The following DIS3L2 variants were observed in gnomAD, a reference collection of about 807,000 sequenced individuals.
DIS3L2 encodes DIS3 like 3'-5' exoribonuclease 2, also known as DIS3-like exonuclease 2.
Under a neutral mutation model 97.5 loss-of-function variants are expected in DIS3L2, and 34 were observed. The ratio of observed to expected loss-of-function variants is 0.35; its 90% CI spans 0.27 to 0.46. DIS3L2 has a LOEUF of 0.46. DIS3L2 is among the 20% of genes least tolerant of loss of function. The pLI is 1.00. For missense variants in DIS3L2, 1,038 were observed against 1,146.0 expected (o/e 0.91, Z 1.36); for synonymous variants, 435 against 445.2 (o/e 0.98, Z 0.29).
At chr2:232,231,747 T>A (rs1692799744) in intron 10 of DIS3L2, among the ~76,000 whole-genome samples, 1 of 152,268 alleles carries the variant, frequency 6.6e-6, no homozygotes, top group Non-Finnish European at 1.5e-5. Flanking sequence ...GCAGGGCGCC[T>A]GCCCTGTATT....
chr2:232,211,272 G>A lies in DIS3L2; in HGVS notation c.1204+867G>A, dbSNP rs950050492. ...TGATCTTCCCACCTCAGCCTCTCAA[G>A]TAGCTGAGACTACAGGTGTGTGCCA... On this transcript the variant is annotated intron_variant, in intron 10 of 20. Transcript: ENST00000325385. 2.6e-5 allele frequency among the ~76,000 whole-genome samples: 4 copies of A among 151,200 alleles called. No individual in the cohort carries two copies. In the South Asian group the frequency reaches 6.3e-4, roughly 24 times the overall value.
intron 14 of DIS3L2, among the ~76,000 whole-genome samples, chr2:232,313,469 A>C (rs181099815): frequency 2.6e-5 from 4 of 152,344 alleles, no homozygotes; most frequent in Non-Finnish European, 5.9e-5. Context: ...ACATTTGAAC[A>C]AGGATTCAAA....
rs776569380 is a variant in DIS3L2, at chr2:232,194,627, C to T, written c.1125-15699C>T. Among the ~76,000 whole-genome samples, 69 of 152,226 alleles carry T rather than the reference C, an allele frequency of 4.5e-4. 1 individual carries two copies. The highest frequency in any genetic ancestry group is 1.2e-3 in the African/African-American group (50 of 41,512). ...TAAGAATTGACTTTGTCCTAATAGC[C>T]AAGTGGTAAAGGACTTGAAAGGCAG... On this transcript the variant is annotated intron_variant, in intron 9 of 20. Coordinates refer to ENST00000325385, the MANE Select transcript of DIS3L2 (RefSeq NM_152383.5).
At chr2:232,329,785 T>TCCCGGGGCGGC in intron 14 of DIS3L2, 28 bp from the exon 15 acceptor site, 1 of 967,144 alleles carries the variant, frequency 1.0e-6, no homozygotes, top group Non-Finnish European at 1.5e-6. Context: ...ACCCCAGCGG[T>TCCCGGGGCGGC]CCCTCCCATC....
intron 10 of DIS3L2, among the ~76,000 whole-genome samples, chr2:232,228,792 T>C (rs1692714835): frequency 1.3e-5 from 2 of 152,240 alleles, no homozygotes; most frequent in African/African-American, 2.4e-5. Flanking sequence ...AACACACTTA[T>C]TATTCAAGAA....
intron 6 of DIS3L2, among the ~76,000 whole-genome samples, chr2:232,088,507 A>G (rs549977401): frequency 6.9e-4 from 104 of 150,190 alleles, no homozygotes; most frequent in South Asian, 1.3e-3. Context: ...GCTTGCGGTG[A>G]GCCTAGATTG....
At chr2:232,160,785 A>G (rs1230074807) in intron 8 of DIS3L2, among the ~76,000 whole-genome samples, 1 of 152,132 alleles carries the variant, frequency 6.6e-6, no homozygotes, top group Non-Finnish European at 1.5e-5. Flanking sequence ...GAGCCTGGGA[A>G]GTCGAGGCTG....
At chr2:232,024,763 G>A (rs574775265) in intron 4 of DIS3L2, among the ~76,000 whole-genome samples, 104 of 150,798 alleles carry the variant, frequency 6.9e-4, no homozygotes, top group African/African-American at 2.4e-3. Flanking sequence ...TTTTTTTTTG[G>A]TGGGGGTCAG....
intron 9 of DIS3L2, among the ~76,000 whole-genome samples, 153 bp from the exon 10 acceptor site, chr2:232,210,173 A>G (rs920823853): frequency 1.3e-5 from 2 of 152,192 alleles, no homozygotes; most frequent in South Asian, 2.1e-4. Context: ...TCAGTCTCAC[A>G]TTTAACTAAA....
chr2:232,079,666 A>G (rs954147269), intron 5 of DIS3L2, among the ~76,000 whole-genome samples: 4 of 152,014 alleles, frequency 2.6e-5, no homozygotes, highest in African/African-American at 7.2e-5. Flanking sequence ...GGCTAGAGAA[A>G]TGATAGCAAG....
intron 14 of DIS3L2, 28 bp from the exon 15 acceptor site, chr2:232,329,785 T>TGCCGGGGCCCC: frequency 1.0e-6 from 1 of 967,144 alleles, no homozygotes; most frequent in Non-Finnish European, 1.5e-6. Flanking sequence ...ACCCCAGCGG[T>TGCCGGGGCCCC]CCCTCCCATC....
chr2:231,993,970 T>A (rs1693657164), intron 1 of DIS3L2, among the ~76,000 whole-genome samples: 1 of 152,140 alleles, frequency 6.6e-6, no homozygotes. Context: ...CATGATGCTT[T>A]TCTCTTATGT....
chr2:232,078,397 C>T (rs558636668), intron 5 of DIS3L2, among the ~76,000 whole-genome samples: 12 of 152,230 alleles, frequency 7.9e-5, no homozygotes, highest in East Asian at 3.9e-4. Flanking sequence ...CCCCGCTCCC[C>T]GGGAGGAAGG....
intron 6 of DIS3L2, among the ~76,000 whole-genome samples, chr2:232,103,664 C>T (rs920190097): frequency 1.2e-4 from 18 of 152,050 alleles, no homozygotes; most frequent in Non-Finnish European, 1.2e-4. Context: ...TTCTTGTTTT[C>T]GTAACTTGGT....
At chr2:232,326,477 A>G (rs943658410) in intron 14 of DIS3L2, among the ~76,000 whole-genome samples, 5 of 152,200 alleles carry the variant, frequency 3.3e-5, no homozygotes, top group African/African-American at 1.2e-4. Context: ...CGCCAGAGCC[A>G]GGGGTCAGCC....
chr2:232,003,594 GCCTGAAGAACTC>G (rs1693966842), intron 1 of DIS3L2, among the ~76,000 whole-genome samples: 1 of 152,048 alleles, frequency 6.6e-6, no homozygotes, highest in Non-Finnish European at 1.5e-5. Context: ...TTTCCCTTTA[GCCTGAAGAACTC>G]AGTATGGCGT....
chr2:232,295,749 A>G (rs918965926), intron 13 of DIS3L2, among the ~76,000 whole-genome samples: 4 of 151,804 alleles, frequency 2.6e-5, no homozygotes, highest in Non-Finnish European at 4.4e-5. Context: ...TCAACCTGTC[A>G]CCCCGATCTC....
At chr2:232,120,111 C>A (rs1697852416) in intron 6 of DIS3L2, among the ~76,000 whole-genome samples, 1 of 152,162 alleles carries the variant, frequency 6.6e-6, no homozygotes, top group African/African-American at 2.4e-5. Context: ...ATATCCCTGG[C>A]TTGGGCAGAG....
chr2:232,231,600 C>G (rs945927632), intron 10 of DIS3L2, among the ~76,000 whole-genome samples: 5 of 152,228 alleles, frequency 3.3e-5, no homozygotes, highest in Non-Finnish European at 7.3e-5. Context: ...CTTCACCAGA[C>G]AGCAGTGAAT....
Sources: allele counts gnomAD v4.1 joint callset (sites outside exome capture counted in the v4.1 genomes callset), GRCh38; gene constraint gnomAD v4.1.1; transcripts MANE v1.5; gene names NCBI Gene and HGNC (gene_info 2026-07-23, HGNC 2026-07-21).